The following SCHIP1 variants were observed in gnomAD, a reference collection of about 807,000 sequenced individuals.
SCHIP1 encodes schwannomin-interacting protein 1.
SCHIP1 carries 8 observed loss-of-function variants against 29.7 expected under a neutral mutation model. The observed-to-expected ratio is 0.27, with a 90% confidence interval of 0.16 to 0.49. The LOEUF (loss-of-function observed/expected upper bound fraction) is 0.49. Ranked by LOEUF, SCHIP1 falls within the 20% of genes least tolerant of loss-of-function variation. SCHIP1 has a pLI of 0.99. For missense variants in SCHIP1, 193 were observed against 294.6 expected (o/e 0.66, Z 2.52); for synonymous variants, 76 against 94.9 (o/e 0.80, Z 1.16).
chr3:159,598,707 T>G, the SCHIP1 span, among the ~76,000 whole-genome samples: 1 of 152,156 alleles, frequency 6.6e-6, no homozygotes, highest in Non-Finnish European at 1.5e-5. Flanking sequence ...CTGTTAAAAG[T>G]TCAGCTGAAT....
the SCHIP1 span, among the ~76,000 whole-genome samples, chr3:159,559,070 A>G: frequency 6.6e-6 from 1 of 152,228 alleles, no homozygotes; most frequent in Non-Finnish European, 1.5e-5. Flanking sequence ...GGAATGAACA[A>G]AGGAATGTCC....
At chr3:159,806,949 C>G in the SCHIP1 span, among the ~76,000 whole-genome samples, 1 of 152,194 alleles carries the variant, frequency 6.6e-6, no homozygotes, top group Admixed American at 6.5e-5. Context: ...AGTATTGTAT[C>G]AGTTTTGCCA....
the SCHIP1 span, among the ~76,000 whole-genome samples, chr3:159,385,589 C>CA: frequency 1.5e-5 from 1 of 67,428 alleles, no homozygotes; most frequent in East Asian, 2.8e-4. Flanking sequence ...AAAAAAAAAA[C>CA]CAAAAAAAAA....
the SCHIP1 span, among the ~76,000 whole-genome samples, chr3:159,732,790 G>A: frequency 6.6e-6 from 1 of 152,324 alleles, no homozygotes; most frequent in East Asian, 1.9e-4. Context: ...ACCAAACATA[G>A]CTGGTAGGAA....
chr3:159,693,910 C>G, the SCHIP1 span, among the ~76,000 whole-genome samples: 1 of 152,144 alleles, frequency 6.6e-6, no homozygotes, highest in Non-Finnish European at 1.5e-5. Context: ...GTACGTGTGT[C>G]GTGAAGATCA....
chr3:159,469,224 T>C, the SCHIP1 span, among the ~76,000 whole-genome samples: 1 of 152,156 alleles, frequency 6.6e-6, no homozygotes, highest in African/African-American at 2.4e-5. Flanking sequence ...AAGTATTACC[T>C]ACATAAAACA....
the SCHIP1 span, among the ~76,000 whole-genome samples, chr3:159,502,140 GA>G: frequency 6.6e-5 from 10 of 152,170 alleles, no homozygotes; most frequent in Admixed American, 2.0e-4. Flanking sequence ...TTATAAAAGG[GA>G]AAAGAAATCT....
chr3:159,657,304 A>G, the SCHIP1 span, among the ~76,000 whole-genome samples: 1 of 152,232 alleles, frequency 6.6e-6, no homozygotes, highest in African/African-American at 2.4e-5. Context: ...GTCAGCTGCC[A>G]AAGCACATTT....
the SCHIP1 span, among the ~76,000 whole-genome samples, chr3:159,460,182 T>C: frequency 6.6e-6 from 1 of 152,214 alleles, no homozygotes; most frequent in Admixed American, 6.5e-5. Context: ...CTAGTAGCTC[T>C]CCATGTTTTA....
the SCHIP1 span, among the ~76,000 whole-genome samples, chr3:159,807,359 G>A: frequency 6.6e-6 from 1 of 152,140 alleles, no homozygotes; most frequent in African/African-American, 2.4e-5. Flanking sequence ...TGGATGACCT[G>A]GGGTTCATGC....
chr3:159,588,359 G>GA, the SCHIP1 span, among the ~76,000 whole-genome samples: 1,797 of 152,146 alleles, frequency 0.012, 25 homozygotes, highest in African/African-American at 0.035. Flanking sequence ...GTAGATTCTG[G>GA]TATTAGCCCT....
chr3:159,884,018 GTT>G (rs1404722212), intron 2 of SCHIP1, among the ~76,000 whole-genome samples: 1 of 152,100 alleles, frequency 6.6e-6, no homozygotes, highest in African/African-American at 2.4e-5. Context: ...TTTGCTTTGT[GTT>G]TTGTATTGCG....
rs566940351 is a variant in SCHIP1 at position 159,843,001 on chromosome 3, C to CTTTTTT, written c.30+2810_30+2815dup. 8.8e-4 allele frequency among the ~76,000 whole-genome samples: 56 copies of CTTTTTT among 63,692 alleles called. 4 individuals carry two copies. The highest frequency in any genetic ancestry group is 1.0e-3 in the Non-Finnish European group (30 of 30,138). 41.8% of individuals were successfully genotyped at this position (63,692 alleles called of 152,430 possible). ...TCCAGTTCTATCCCAATATTTCTTT[C>CTTTTTT]TTTTTTTTTTTTTTTTTTTTTTTTT... On this transcript the variant is annotated intron_variant, in intron 1 of 6. Transcript: ENST00000445224.
At chr3:159,643,079 T>A in the SCHIP1 span, among the ~76,000 whole-genome samples, 1 of 152,040 alleles carries the variant, frequency 6.6e-6, no homozygotes, top group Non-Finnish European at 1.5e-5. Flanking sequence ...TCTTATGTGC[T>A]GGGTATTGTA....
At chr3:159,880,592 T>C (rs1482253127) in intron 2 of SCHIP1, among the ~76,000 whole-genome samples, 1 of 152,180 alleles carries the variant, frequency 6.6e-6, no homozygotes, top group Non-Finnish European at 1.5e-5. Flanking sequence ...GTGAGTGAAG[T>C]AGTGCAGATA....
chr3:159,586,563 C>T, the SCHIP1 span, among the ~76,000 whole-genome samples: 27 of 152,130 alleles, frequency 1.8e-4, no homozygotes, highest in South Asian at 1.0e-3. Context: ...AATATTTAAA[C>T]GTAGCATCTT....
At chr3:159,703,448 T>A in the SCHIP1 span, among the ~76,000 whole-genome samples, 1 of 152,148 alleles carries the variant, frequency 6.6e-6, no homozygotes, top group Non-Finnish European at 1.5e-5. Flanking sequence ...GATTTGTAGC[T>A]GATATACCAT....
the SCHIP1 span, among the ~76,000 whole-genome samples, chr3:159,519,185 G>T: frequency 6.6e-6 from 1 of 152,024 alleles, no homozygotes; most frequent in South Asian, 2.1e-4. Flanking sequence ...TTTTAACATA[G>T]ATTTAAAGTA....
chr3:159,374,668 T>C, the SCHIP1 span, among the ~76,000 whole-genome samples: 1 of 152,204 alleles, frequency 6.6e-6, no homozygotes, highest in Non-Finnish European at 1.5e-5. Context: ...CCCAAGGAAC[T>C]TTCAACCTTA....
Sources: allele counts gnomAD v4.1 joint callset (sites outside exome capture counted in the v4.1 genomes callset), GRCh38; gene constraint gnomAD v4.1.1; transcripts MANE v1.5; gene names NCBI Gene and HGNC (gene_info 2026-07-23, HGNC 2026-07-21).